Variants in PLPP1 observed in about 807,000 individuals in gnomAD.
The protein encoded by PLPP1 is lipid phosphate phosphohydrolase 1a.
A neutral mutation model predicts 31.2 loss-of-function variants in PLPP1; 24 were observed. The ratio of observed to expected loss-of-function variants is 0.77; its 90% CI spans 0.56 to 1.08. PLPP1 has a LOEUF of 1.08. PLPP1 is among the 50% of genes least tolerant of loss of function. PLPP1 has a pLI of 0.00. For synonymous variants in PLPP1, 146 were observed against 126.3 expected (o/e 1.16, Z -1.05); for missense variants, 319 against 342.7 (o/e 0.93, Z 0.55).
At chr5:55,505,249 T>C (rs1340477146) in intron 1 of PLPP1, among the ~76,000 whole-genome samples, 2 of 152,198 alleles carry the variant, frequency 1.3e-5, no homozygotes, top group African/African-American at 4.8e-5. Flanking sequence ...AAGTCACTTT[T>C]AGTATTATTT....
rs76964753 is a variant in PLPP1, at chr5:55,497,767, C to T, written c.59-22317G>A. ...GTGTGGGCACAGTCAAAAGATAGTG[C>T]AACCTCCTGAAGCTGCTATCATCTA... On this transcript the variant is annotated intron_variant, in intron 1 of 5. Coordinates refer to ENST00000307259, the MANE Select transcript of PLPP1 (RefSeq NM_003711.4). 3.8e-4 allele frequency among the ~76,000 whole-genome samples: 58 copies of T among 152,222 alleles called. No individual in the cohort carries two copies. In the East Asian group the frequency reaches 7.7e-3, roughly 20 times the overall value.
At chr5:55,510,864 T>A (rs1228787982) in intron 1 of PLPP1, among the ~76,000 whole-genome samples, 1 of 152,174 alleles carries the variant, frequency 6.6e-6, no homozygotes, top group Non-Finnish European at 1.5e-5. Context: ...TAATACTGTG[T>A]ACATACCTCC....
chr5:55,513,435 A>T (rs1242156774), intron 1 of PLPP1, among the ~76,000 whole-genome samples: 1 of 150,470 alleles, frequency 6.6e-6, no homozygotes. Flanking sequence ...TAATTTTTGT[A>T]TTTTTTTTCT....
chr5:55,516,813 G>A (rs1249800546), intron 1 of PLPP1, among the ~76,000 whole-genome samples: 3 of 152,190 alleles, frequency 2.0e-5, no homozygotes, highest in Admixed American at 2.0e-4. Context: ...TACAAAATCT[G>A]CAGTTGAAAT....
At chr5:55,478,989 C>T (rs1752615611) in intron 1 of PLPP1, among the ~76,000 whole-genome samples, 1 of 151,310 alleles carries the variant, frequency 6.6e-6, no homozygotes, top group Non-Finnish European at 1.5e-5. Flanking sequence ...TAAATAATGG[C>T]CAATATTTGC....
At chr5:55,434,761 T>C (rs996494653) in intron 4 of PLPP1, among the ~76,000 whole-genome samples, 1 of 152,014 alleles carries the variant, frequency 6.6e-6, no homozygotes, top group African/African-American at 2.4e-5. Context: ...CTCAAGTAAG[T>C]TGGATTACAG....
chr5:55,519,795 T>C (rs1753626638), intron 1 of PLPP1, among the ~76,000 whole-genome samples: 1 of 151,902 alleles, frequency 6.6e-6, no homozygotes, highest in Non-Finnish European at 1.5e-5. Flanking sequence ...TGAATTTTAA[T>C]TACATTTAGT....
At chr5:55,490,232 T>C (rs1247960192) in intron 1 of PLPP1, among the ~76,000 whole-genome samples, 8 of 140,902 alleles carry the variant, frequency 5.7e-5, no homozygotes, top group South Asian at 2.5e-4. Flanking sequence ...CTCACTGAAA[T>C]CTCCATCTCC....
chr5:55,468,275 C>A (rs959419710), intron 2 of PLPP1, 126 bp from the exon 3 acceptor site: 7 of 852,922 alleles, frequency 8.2e-6, no homozygotes, highest in Non-Finnish European at 1.2e-5. Context: ...ACAGTCCCAG[C>A]CCCTTTTTTC....
At chr5:55,491,725 G>C (rs1000852325) in intron 1 of PLPP1, among the ~76,000 whole-genome samples, 6 of 151,908 alleles carry the variant, frequency 3.9e-5, no homozygotes, top group Admixed American at 2.0e-4. Flanking sequence ...AGGCATGGTG[G>C]TATACACCTG....
rs747904658 is a variant in PLPP1 at position 55,475,412 on chromosome 5, G to A, written c.97C>T (p.Pro33Ser). The A allele has an allele frequency of 3.1e-6, 5 of 1,610,598 alleles. 1 individual carries two copies. The South Asian group carries it at 5.6e-5, about 18-fold the overall frequency. ...PFAILTSRHT[P>S]FQRGVFCNDE... ...TTACAGAATACTCCTCGTTGGAAGG[G>A]GGTATGCCTTGAAGTAAGAATTGCA... is the stretch of plus-strand genomic sequence containing the variant. The change falls in exon 2 of 6, where the codon CCC becomes TCC. Residue 33 changes from proline to serine, a missense_variant. By Grantham distance (74) the Pro-to-Ser change is moderately conservative. Coordinates refer to ENST00000307259, the MANE Select transcript of PLPP1 (RefSeq NM_003711.4).
At chr5:55,460,523 T>C (rs1752130943) in intron 3 of PLPP1, among the ~76,000 whole-genome samples, 1 of 152,184 alleles carries the variant, frequency 6.6e-6, no homozygotes, top group Admixed American at 6.5e-5. Flanking sequence ...AATACAAAGA[T>C]AGTATAATGA....
intron 1 of PLPP1, among the ~76,000 whole-genome samples, chr5:55,519,841 A>T (rs1404442880): frequency 2.0e-5 from 3 of 152,186 alleles, no homozygotes; most frequent in African/African-American, 7.2e-5. Flanking sequence ...GAAGACAGTT[A>T]CCTAAAATTA....
At chr5:55,443,997 T>A (rs1257705819) in intron 3 of PLPP1, among the ~76,000 whole-genome samples, 1 of 152,194 alleles carries the variant, frequency 6.6e-6, no homozygotes, top group African/African-American at 2.4e-5. Flanking sequence ...ATACAGCTCT[T>A]AAGGATATCT....
intron 2 of PLPP1, among the ~76,000 whole-genome samples, chr5:55,472,018 T>G (rs570776642): frequency 6.6e-6 from 1 of 152,168 alleles, no homozygotes; most frequent in East Asian, 1.9e-4. Context: ...GCTCCTCAGG[T>G]GGCTGAAGCA....
At chr5:55,517,666 A>G (rs1561255036) in intron 1 of PLPP1, among the ~76,000 whole-genome samples, 2 of 152,186 alleles carry the variant, frequency 1.3e-5, no homozygotes, top group East Asian at 1.9e-4. Context: ...ATCACTATCA[A>G]TGTGATTCTA....
chr5:55,452,141 GTTT>G (rs1286489424), intron 3 of PLPP1, among the ~76,000 whole-genome samples: 2 of 152,124 alleles, frequency 1.3e-5, no homozygotes, highest in African/African-American at 4.8e-5. Flanking sequence ...ACTTGATATA[GTTT>G]GGATGGGCAT....
At chr5:55,504,585 A>C (rs1753229623) in intron 1 of PLPP1, among the ~76,000 whole-genome samples, 1 of 151,292 alleles carries the variant, frequency 6.6e-6, no homozygotes, top group Admixed American at 6.6e-5. Flanking sequence ...CCCAAAAACA[A>C]AATTTTTGTT....
In PLPP1 at chr5:55,534,758, G is replaced by A; in HGVS notation, c.-129C>T. The A allele has an allele frequency of 9.9e-7, 1 of 1,010,014 alleles. No homozygotes were observed. The highest frequency in any genetic ancestry group is 1.4e-6 in the Non-Finnish European group (1 of 722,524). The allele number at this position is 1,010,014 out of a possible 1,614,324, so 62.6% of individuals were successfully genotyped here. On this transcript the variant is annotated 5_prime_UTR_variant, in exon 1 of 6. Transcript: ENST00000307259. The stretch of plus-strand genomic sequence containing the variant: ...GCTACGGCCCCTCCCAGCCGGAGGA[G>A]GAGAGCAGCCGAGGGCGGGCTGAGA...
Sources: gnomAD v4.1 joint callset for allele counts (sites outside exome capture counted in the v4.1 genomes callset) on GRCh38, gnomAD v4.1.1 for gene constraint, MANE v1.5 for transcripts, NCBI Gene and HGNC (gene_info 2026-07-23, HGNC 2026-07-21) for gene names.